Variants in FNDC3B observed in about 807,000 individuals in gnomAD.
FNDC3B encodes fibronectin type III domain-containing protein 3B.
FNDC3B carries 12 observed loss-of-function variants against 151.5 expected under a neutral mutation model. The observed-to-expected ratio is 0.08, with a 90% CI of 0.05 to 0.13. The LOEUF is 0.13. FNDC3B is among the 10% of genes least tolerant of loss of function. The pLI, the probability that FNDC3B is intolerant of heterozygous loss-of-function variation, is 1.00. For synonymous variants in FNDC3B, 528 were observed against 549.0 expected (o/e 0.96, Z 0.54); for missense variants, 1,214 against 1,505.3 (o/e 0.81, Z 3.20).
intron 9 of FNDC3B, among the ~76,000 whole-genome samples, chr3:172,303,375 C>T (rs1418398535): frequency 6.6e-6 from 1 of 152,076 alleles, no homozygotes; most frequent in Non-Finnish European, 1.5e-5. Flanking sequence ...AAAAATTGTG[C>T]AATGAAACAT....
chr3:172,337,492 A>G, intron 16 of FNDC3B, 91 bp downstream of exon 16: 1 of 832,192 alleles, frequency 1.2e-6, no homozygotes. Context: ...GTGAGTAATC[A>G]TTAATTCTAA....
At position 172,188,371 on chromosome 3, in the gene FNDC3B, A is replaced by G. The variant is rs140036258; in HGVS notation, c.188-38500A>G. Reference sequence around the variant, plus strand: ...GGTGGAACTGAAGTTTCCCCTTGCTATGTTTAGAGTGGTGGAACTGAAGTT... The same window carrying G: ...GGTGGAACTGAAGTTTCCCCTTGCTGTGTTTAGAGTGGTGGAACTGAAGTT... On this transcript the variant is annotated intron_variant, in intron 3 of 25. Transcript: ENST00000415807. Among the ~76,000 whole-genome samples the G allele has an allele frequency of 4.2e-3, 630 of 151,680 alleles. 5 individuals are homozygous for G. The highest frequency in any genetic ancestry group is 0.013 in the South Asian group (64 of 4,804).
chr3:172,296,390 C>G (rs576388791), intron 8 of FNDC3B, among the ~76,000 whole-genome samples: 3 of 152,308 alleles, frequency 2.0e-5, no homozygotes, highest in African/African-American at 7.2e-5. Context: ...GTCTTCCTGA[C>G]AAGGAAAGAG....
chr3:172,060,567 T>G (rs766901604), intron 1 of FNDC3B, among the ~76,000 whole-genome samples: 1 of 152,140 alleles, frequency 6.6e-6, no homozygotes, highest in Non-Finnish European at 1.5e-5. Context: ...GTTCAATCAG[T>G]AGTAGTATTT....
intron 1 of FNDC3B, among the ~76,000 whole-genome samples, chr3:172,054,672 C>A (rs1210403262): frequency 6.6e-6 from 1 of 152,206 alleles, no homozygotes; most frequent in Admixed American, 6.5e-5. Flanking sequence ...TCCTTTCTCT[C>A]CTGTCTCAGG....
chr3:172,150,212 A>G (rs141282255), intron 3 of FNDC3B, among the ~76,000 whole-genome samples: 332 of 152,240 alleles, frequency 2.2e-3, no homozygotes, highest in Non-Finnish European at 3.5e-3. Context: ...CCTCACCTTC[A>G]GAGATTTAGA....
chr3:172,231,770 GA>G (rs63545360), intron 4 of FNDC3B, among the ~76,000 whole-genome samples: 55,929 of 151,534 alleles, frequency 0.37, 11,454 homozygotes, highest in African/African-American at 0.56. Flanking sequence ...TTGTCCTGAT[GA>G]TTTTTATTGC....
intron 11 of FNDC3B, among the ~76,000 whole-genome samples, chr3:172,315,560 G>T (rs1055407703): frequency 1.3e-5 from 2 of 152,142 alleles, no homozygotes. Context: ...AACTGACCCC[G>T]CATTTTTGTA....
chr3:172,191,048 C>A (rs1486649606), intron 3 of FNDC3B, among the ~76,000 whole-genome samples: 1 of 152,142 alleles, frequency 6.6e-6, no homozygotes, highest in Non-Finnish European at 1.5e-5. Context: ...TATTTCACAT[C>A]TAAAATCATA....
rs1733655750 is a variant in FNDC3B at position 172,347,232 on chromosome 3, T to C, written c.2385T>C (p.Ala795=). 3 of 1,613,698 alleles carry C rather than the reference T, an allele frequency of 1.9e-6. No homozygotes were observed. The highest frequency in any genetic ancestry group is 8.5e-7 in the Non-Finnish European group (1 of 1,179,828). The change falls in exon 21 of 26, where the codon GCT becomes GCC. Residue 795 remains alanine, a synonymous_variant. Coordinates refer to ENST00000415807, the MANE Select transcript of FNDC3B (RefSeq NM_022763.4). ...TCCAGAGTCCTGATAGTTCTGGTGCTGACATCTCAGAGTACAGGTTGGAAT... is the reference window on the plus strand; with the variant it reads ...TCCAGAGTCCTGATAGTTCTGGTGCCGACATCTCAGAGTACAGGTTGGAAT... ...VGWESPDSSG[A]DISEYRLEWG...
At chr3:172,073,373 G>A (rs1375675094) in intron 1 of FNDC3B, among the ~76,000 whole-genome samples, 1 of 152,204 alleles carries the variant, frequency 6.6e-6, no homozygotes, top group Non-Finnish European at 1.5e-5. Context: ...GACTGGCTGT[G>A]AAAGTGGATT....
intron 25 of FNDC3B, among the ~76,000 whole-genome samples, chr3:172,390,496 C>G (rs1380978450): frequency 6.6e-6 from 1 of 150,698 alleles, no homozygotes; most frequent in Non-Finnish European, 1.5e-5. Flanking sequence ...GTTCAAGAGT[C>G]TCTAAACTGG....
At chr3:172,229,133 ACAC>A (rs1291520731) in intron 4 of FNDC3B, among the ~76,000 whole-genome samples, 4,507 of 93,560 alleles carry the variant, frequency 0.048, 76 homozygotes, top group South Asian at 0.1. Flanking sequence ...ACACACACAC[ACAC>A]AATCTCCTGC....
chr3:172,265,680 A>G (rs753758540), intron 6 of FNDC3B, among the ~76,000 whole-genome samples: 3 of 152,174 alleles, frequency 2.0e-5, no homozygotes, highest in Non-Finnish European at 4.4e-5. Context: ...TATTCAAGAG[A>G]AAAATTTGAA....
At chr3:172,055,093 C>T (rs1052079905) in intron 1 of FNDC3B, among the ~76,000 whole-genome samples, 1 of 152,148 alleles carries the variant, frequency 6.6e-6, no homozygotes, top group East Asian at 1.9e-4. Flanking sequence ...TATTTATACT[C>T]ATTTTTAAAT....
chr3:172,189,292 T>G (rs1724378290), intron 3 of FNDC3B, among the ~76,000 whole-genome samples: 1 of 152,204 alleles, frequency 6.6e-6, no homozygotes, highest in African/African-American at 2.4e-5. Flanking sequence ...TAAAAATGAT[T>G]TCCCACTTAG....
rs1736533411 is a variant in FNDC3B, at chr3:172,400,767, T to C, written c.*3292T>C. 6.6e-6 allele frequency: 1 copy of C among 151,034 alleles called. No homozygotes were observed. Among genetic ancestry groups the C allele is most frequent in the Non-Finnish European group, 1.5e-5 (1 of 67,716 alleles). The allele number at this position is 151,034 out of a possible 1,614,324, so 9.4% of individuals were successfully genotyped here. ...TGTTGTTGTTGTTTCTTTCTTTTTT[T>C]TTTTTTTTGAGACGGAGTCTTGCTC... On this transcript the variant is annotated 3_prime_UTR_variant, in exon 26 of 26. Transcript: ENST00000415807.
At chr3:172,052,983 G>C (rs779002218) in intron 1 of FNDC3B, among the ~76,000 whole-genome samples, 20 of 152,268 alleles carry the variant, frequency 1.3e-4, no homozygotes, top group Non-Finnish European at 2.5e-4. Flanking sequence ...CAAACCCTCT[G>C]ACCACAAGGC....
chr3:172,074,638 C>G (rs539264921), intron 1 of FNDC3B, among the ~76,000 whole-genome samples: 1 of 152,080 alleles, frequency 6.6e-6, no homozygotes, highest in Non-Finnish European at 1.5e-5. Context: ...TATTTTATAG[C>G]ATGGGTTATA....
Sources: allele counts gnomAD v4.1 joint callset (sites outside exome capture counted in the v4.1 genomes callset), GRCh38; gene constraint gnomAD v4.1.1; transcripts MANE v1.5; gene names NCBI Gene and HGNC (gene_info 2026-07-23, HGNC 2026-07-21).